CSMD1: variants seen among roughly 807,000 people sequenced by gnomAD.
CSMD1 encodes CUB and sushi domain-containing protein 1.
A neutral mutation model predicts 417.5 loss-of-function variants in CSMD1; 213 were observed. That is an observed-to-expected ratio of 0.51 (90% CI 0.46 to 0.57). The LOEUF is 0.57. Ranked by LOEUF, CSMD1 falls within the 20% of genes least tolerant of loss-of-function variation. The probability of loss-of-function intolerance (pLI) is 0.00; values close to 1 mark genes in which losing one functional copy is unlikely to be tolerated. For missense variants in CSMD1, 6,923 were observed against 4,529.7 expected (o/e 1.53, Z -15.17); for synonymous variants, 2,862 against 1,736.8 (o/e 1.65, Z -16.11).
At chr8:4,787,386 A>G in intron 1 of CSMD1, 1 of 735,178 alleles carries the variant, frequency 1.4e-6, no homozygotes, top group Non-Finnish European at 2.5e-6. Context: ...GGGTAAAACA[A>G]AAGAAGTCTA....
At chr8:3,830,540 C>A (rs1488423573) in intron 5 of CSMD1, among the ~76,000 whole-genome samples, 1 of 152,168 alleles carries the variant, frequency 6.6e-6, no homozygotes, top group East Asian at 1.9e-4. Context: ...ATCTCAAAGA[C>A]CTCCTGGCAT....
At chr8:4,600,762 C>T (rs937013182) in intron 2 of CSMD1, among the ~76,000 whole-genome samples, 8 of 152,038 alleles carry the variant, frequency 5.3e-5, no homozygotes, top group Non-Finnish European at 7.4e-5. Context: ...GGAACTAAGG[C>T]GTGAGGATAA....
intron 3 of CSMD1, among the ~76,000 whole-genome samples, chr8:4,198,021 C>T (rs1418692117): frequency 6.6e-6 from 1 of 152,176 alleles, no homozygotes; most frequent in East Asian, 1.9e-4. Flanking sequence ...GAGTTGGGGG[C>T]ACAGACTGCA....
At chr8:3,047,253 TTCC>T (rs1433926505) in intron 50 of CSMD1, among the ~76,000 whole-genome samples, 1 of 151,170 alleles carries the variant, frequency 6.6e-6, no homozygotes, top group African/African-American at 2.4e-5. Context: ...TGCTCTGATT[TTCC>T]TCCTATTTTG....
intron 6 of CSMD1, among the ~76,000 whole-genome samples, chr8:3,740,131 G>C (rs1796720505): frequency 1.3e-5 from 2 of 152,060 alleles, no homozygotes; most frequent in Admixed American, 6.6e-5. Flanking sequence ...TTGAGATGGA[G>C]TTTCACTCTT....
At chr8:3,783,638 C>A (rs182528115) in intron 5 of CSMD1, among the ~76,000 whole-genome samples, 18 of 152,208 alleles carry the variant, frequency 1.2e-4, no homozygotes, top group Non-Finnish European at 2.5e-4. Context: ...GGTTCTTCTG[C>A]ATGTCCATAA....
Position 3,439,281 on chromosome 8 carries a change from G to GTATA in CSMD1, c.1561+29427_1561+29430dup, listed in dbSNP as rs1168340584. On this transcript the variant is annotated intron_variant, in intron 12 of 69. Transcript: ENST00000635120. ...TATTTGAGAGCATTTGGCAATGTCAGTATATATATATATATATATATATAT... is the reference window on the plus strand; with the variant it reads ...TATTTGAGAGCATTTGGCAATGTCAGTATATATATATATATATATATATATATAT... Among the ~76,000 whole-genome samples the GTATA allele has an allele frequency of 8.5e-3, 460 of 54,274 alleles. 5 individuals are homozygous for GTATA. The highest frequency in any genetic ancestry group is 0.011 in the Non-Finnish European group (332 of 30,714). 35.6% of individuals were successfully genotyped at this position (54,274 alleles called of 152,430 possible). A position where few individuals can be genotyped will look rare whatever the true frequency, so the allele number is the denominator to read the frequency against.
chr8:3,138,974 G>A (rs1818276535), intron 41 of CSMD1, among the ~76,000 whole-genome samples: 1 of 152,208 alleles, frequency 6.6e-6, no homozygotes, highest in African/African-American at 2.4e-5. Flanking sequence ...CATTTTCTAG[G>A]AGAAAGGTCT....
rs151118101 is a variant in CSMD1, at chr8:4,331,947, A to G, written c.415+88006T>C. On this transcript the variant is annotated intron_variant, in intron 3 of 69. Transcript: ENST00000635120. ...TTTTTACAGTCTCCATGACCATGGC[A>G]TTGGAATTCATTTTCATTTTTATGC... Among the ~76,000 whole-genome samples the G allele has an allele frequency of 2.2e-3, 330 of 152,262 alleles. 4 individuals carry two copies. In the East Asian group the frequency reaches 0.051, roughly 23 times the overall value.
intron 7 of CSMD1, among the ~76,000 whole-genome samples, chr8:3,697,155 G>A (rs1214455324): frequency 6.6e-6 from 1 of 152,048 alleles, no homozygotes; most frequent in African/African-American, 2.4e-5. Flanking sequence ...TGGCTTTTTT[G>A]TTTTTGAAAC....
intron 2 of CSMD1, among the ~76,000 whole-genome samples, chr8:4,555,608 T>A (rs541772230): frequency 2.6e-5 from 4 of 152,176 alleles, no homozygotes; most frequent in Non-Finnish European, 1.5e-5. Context: ...GCAGCTTATA[T>A]CTCTATGGAG....
At chr8:4,429,688 C>G (rs1797761453) in intron 2 of CSMD1, among the ~76,000 whole-genome samples, 1 of 152,172 alleles carries the variant, frequency 6.6e-6, no homozygotes, top group East Asian at 1.9e-4. Context: ...ACCCCAATAC[C>G]CCAAAAGAAC....
intron 1 of CSMD1, among the ~76,000 whole-genome samples, chr8:4,770,547 C>T (rs1418323689): frequency 1.3e-5 from 2 of 151,680 alleles, no homozygotes; most frequent in Non-Finnish European, 2.9e-5. Flanking sequence ...AGGCATTACA[C>T]TTCCTGATTT....
intron 2 of CSMD1, among the ~76,000 whole-genome samples, chr8:4,522,265 G>C (rs1803497887): frequency 6.6e-6 from 1 of 152,148 alleles, no homozygotes; most frequent in Non-Finnish European, 1.5e-5. Context: ...CATAAGACGT[G>C]ACTTGCTCCT....
chr8:3,209,386 G>A (rs112090924), intron 30 of CSMD1, among the ~76,000 whole-genome samples: 1 of 151,742 alleles, frequency 6.6e-6, no homozygotes, highest in Non-Finnish European at 1.5e-5. Context: ...GCGTGATCTC[G>A]GCTCACTGCA....
intron 2 of CSMD1, among the ~76,000 whole-genome samples, chr8:4,480,773 G>A (rs1009365814): frequency 2.0e-5 from 3 of 152,070 alleles, no homozygotes; most frequent in African/African-American, 4.8e-5. Flanking sequence ...TGTTGAAGAC[G>A]AGGACTCAGG....
intron 3 of CSMD1, among the ~76,000 whole-genome samples, chr8:4,047,629 G>A (rs189414772): frequency 2.6e-5 from 4 of 152,072 alleles, no homozygotes; most frequent in Admixed American, 1.3e-4. Flanking sequence ...CACTAGGAAT[G>A]CAATATCGCC....
intron 3 of CSMD1, among the ~76,000 whole-genome samples, chr8:4,222,549 G>A (rs1801103125): frequency 6.6e-6 from 1 of 152,104 alleles, no homozygotes; most frequent in African/African-American, 2.4e-5. Flanking sequence ...AACCACAGAA[G>A]TACAGAAAAA....
At chr8:3,699,962 T>A (rs1188720834) in intron 7 of CSMD1, among the ~76,000 whole-genome samples, 1 of 133,530 alleles carries the variant, frequency 7.5e-6, no homozygotes, top group Non-Finnish European at 1.7e-5. Flanking sequence ...ATCCCATAAC[T>A]ACATCCCTGG....
Sources: gnomAD v4.1 joint callset for allele counts (sites outside exome capture counted in the v4.1 genomes callset) on GRCh38, gnomAD v4.1.1 for gene constraint, MANE v1.5 for transcripts, NCBI Gene and HGNC (gene_info 2026-07-23, HGNC 2026-07-21) for gene names.